The following PIK3IP1 variants were observed in gnomAD, a reference collection of about 807,000 sequenced individuals.
The protein encoded by PIK3IP1 is phosphoinositide-3-kinase interacting protein 1, also known as phosphoinositide-3-kinase-interacting protein 1.
Under a neutral mutation model 30.7 loss-of-function variants are expected in PIK3IP1, and 28 were observed. The ratio of observed to expected loss-of-function variants is 0.91; its 90% CI spans 0.68 to 1.25. The LOEUF (loss-of-function observed/expected upper bound fraction) is 1.25, where lower values mean the gene tolerates loss of function less well. Among genes scored for constraint, PIK3IP1 ranks in the 50% most tolerant of loss-of-function variants. PIK3IP1 has a pLI of 0.00. For missense variants in PIK3IP1, 333 were observed against 346.2 expected, an observed-to-expected ratio of 0.96 and a Z score of 0.30; for synonymous variants, 159 against 140.8, an observed-to-expected ratio of 1.13 and a Z score of -0.91.
At chr22:31,284,408 C>T (rs2123885218) in intron 5 of PIK3IP1, among the ~76,000 whole-genome samples, 1 of 152,324 alleles carries the variant, frequency 6.6e-6, no homozygotes, top group Middle Eastern at 3.4e-3. Flanking sequence ...GTAAAGAAAG[C>T]AGATGCTGGC....
At position 31,281,758 on chromosome 22, in the gene PIK3IP1, A is replaced by G. The variant is rs4615; in HGVS notation, c.*1326T>C. 13,737 of 152,658 alleles carry G rather than the reference A, an allele frequency of 0.09. 906 individuals carry two copies. The highest frequency in any genetic ancestry group is 0.4 in the East Asian group (2,088 of 5,160). 9.5% of individuals were successfully genotyped at this position (152,658 alleles called of 1,614,324 possible). ...CCAGCATCACTAACACCAAGAGACC[A>G]CCTGAGGTCTAGGTCCCCAAAGCAG... On this transcript the variant is annotated 3_prime_UTR_variant, in exon 6 of 6. Transcript: ENST00000215912.
rs1197957559 is a variant in PIK3IP1, at chr22:31,291,213, C to A, written c.154G>T (p.Ala52Ser). Reference protein sequence around the residue: ...PGLRCLNWLDAQSGLASAPVS... With the variant: ...PGLRCLNWLDSQSGLASAPVS... ...GGGGCCGAGGCCAGCCCGCTCTGCG[C>A]GTCCAGCCAGTTGAGGCAGCGGAGG... Residue 52 changes from alanine to serine, a missense_variant, in exon 2 of 6, where the codon GCG becomes TCG. Transcript: ENST00000215912. 1 of 1,549,628 alleles carries A rather than the reference C, an allele frequency of 6.5e-7. No homozygotes were observed. The highest frequency in any genetic ancestry group is 1.2e-5 in the South Asian group (1 of 84,048).
intron 1 of PIK3IP1, 151 bp downstream of exon 1, chr22:31,292,124 C>T: frequency 1.4e-6 from 1 of 694,540 alleles, no homozygotes; most frequent in Non-Finnish European, 2.5e-6. Context: ...AAGCCCCTGA[C>T]AAGGAAAGGA....
intron 3 of PIK3IP1, chr22:31,290,368 G>A (rs971633473): frequency 3.3e-5 from 5 of 152,400 alleles, no homozygotes; most frequent in African/African-American, 1.2e-4. Flanking sequence ...CAGCCTGGGT[G>A]ACAGAACGAG....
chr22:31,282,258 G>C lies in PIK3IP1; in HGVS notation c.*826C>G, dbSNP rs988298834. The stretch of plus-strand genomic sequence containing the variant: ...TAGAAGCAGCTCACAAGGCCCCACA[G>C]TATAATTCCCATAGGTTAGCTAACT... On this transcript the variant is annotated 3_prime_UTR_variant, in exon 6 of 6. Coordinates refer to ENST00000215912, the MANE Select transcript of PIK3IP1 (RefSeq NM_052880.5). The C allele has an allele frequency of 1.3e-5, 2 of 152,344 alleles. No individual in the cohort carries two copies. Among genetic ancestry groups the C allele is most frequent in the African/African-American group, 4.8e-5 (2 of 41,442 alleles). 9.4% of individuals were successfully genotyped at this position (152,344 alleles called of 1,614,324 possible).
chr22:31,292,158 C>T (rs1448691218), intron 1 of PIK3IP1, 117 bp downstream of exon 1: 1 of 993,016 alleles, frequency 1.0e-6, no homozygotes, highest in Non-Finnish European at 1.5e-6. Context: ...TTTCACGGGA[C>T]AACAGAAACC....
chr22:31,288,360 T>C (rs1315650033), intron 5 of PIK3IP1, among the ~76,000 whole-genome samples: 6 of 111,788 alleles, frequency 5.4e-5, no homozygotes, highest in South Asian at 3.0e-4. Context: ...GCCTAGGCAA[T>C]AGAGCGAGAC....
At chr22:31,283,549 A>C (rs1319501071) in intron 5 of PIK3IP1, among the ~76,000 whole-genome samples, 1 of 152,040 alleles carries the variant, frequency 6.6e-6, no homozygotes, top group Non-Finnish European at 1.5e-5. Flanking sequence ...TGGACTTCAT[A>C]CAGCTTCACC....
At chr22:31,283,351 T>G in intron 5 of PIK3IP1, 63 bp from the exon 6 acceptor site, 1 of 1,552,804 alleles carries the variant, frequency 6.4e-7, no homozygotes, top group Non-Finnish European at 8.8e-7. Flanking sequence ...GCTCATTAGA[T>G]AGCATCCCTG....
chr22:31,282,977 G>A lies in PIK3IP1; in HGVS notation c.*107C>T, dbSNP rs995653637. The A allele has an allele frequency of 2.3e-5, 19 of 838,540 alleles. No individual in the cohort carries two copies. Among genetic ancestry groups the A allele is most frequent in the Admixed American group, 1.1e-4 (4 of 37,374 alleles). The allele number at this position is 838,540 out of a possible 1,614,324, so 51.9% of individuals were successfully genotyped here. A position where few individuals can be genotyped will look rare whatever the true frequency, so the allele number is the denominator to read the frequency against. On this transcript the variant is annotated 3_prime_UTR_variant, in exon 6 of 6. Coordinates refer to ENST00000215912, the MANE Select transcript of PIK3IP1 (RefSeq NM_052880.5). ...ACTAGGATTCGCCAAAAAAGCGGGG[G>A]AGTGGTAGGGTTTTAACCAGAACAC...
chr22:31,292,472 A>C lies in PIK3IP1; in HGVS notation c.-128T>G. 1 of 736,702 alleles carries C rather than the reference A, an allele frequency of 1.4e-6. No individual in the cohort carries two copies. Among genetic ancestry groups the C allele is most frequent in the South Asian group, 1.6e-5 (1 of 61,624 alleles). The allele number at this position is 736,702 out of a possible 1,614,324, so 45.6% of individuals were successfully genotyped here. A position where few individuals can be genotyped will look rare whatever the true frequency, so the allele number is the denominator to read the frequency against. On this transcript the variant is annotated 5_prime_UTR_variant, in exon 1 of 6. Transcript: ENST00000215912. ...CCCTTGTTATGCTGTTCTGGTAAAC[A>C]GCCTCTCTTTAGAACTGGGAGCTTC...
intron 5 of PIK3IP1, among the ~76,000 whole-genome samples, chr22:31,285,479 A>G (rs2049124157): frequency 6.6e-6 from 1 of 152,208 alleles, no homozygotes; most frequent in African/African-American, 2.4e-5. Flanking sequence ...ATTTGAACCC[A>G]GTCTTAGCAC....
chr22:31,289,466 C>T lies in PIK3IP1; in HGVS notation c.508+33G>A, dbSNP rs762321031. On this transcript the variant is annotated intron_variant, in intron 4 of 5. Transcript: ENST00000215912. The stretch of plus-strand genomic sequence containing the variant: ...CAGCAAATGACATCTCTTGATGAAT[C>T]CCAACGAGGGCAGGGGTGGGGGACC... The T allele has an allele frequency of 8.4e-6, 13 of 1,549,518 alleles. No individual in the cohort carries two copies. The East Asian group carries it at 2.9e-4, about 35-fold the overall frequency.
At chr22:31,291,342 C>T in intron 1 of PIK3IP1, 46 bp from the exon 2 acceptor site, 2 of 1,527,648 alleles carry the variant, frequency 1.3e-6, no homozygotes, top group Non-Finnish European at 8.9e-7. Context: ...GGGCAGCGAA[C>T]GGAAGACGCC....
intron 1 of PIK3IP1, among the ~76,000 whole-genome samples, 191 bp downstream of exon 1, chr22:31,292,084 C>T (rs756467490): frequency 6.6e-6 from 1 of 152,188 alleles, no homozygotes; most frequent in African/African-American, 2.4e-5. Context: ...GGCTTCTTGC[C>T]TTTGTTCTTA....
intron 1 of PIK3IP1, 42 bp downstream of exon 1, chr22:31,292,233 G>GT: frequency 6.3e-7 from 1 of 1,593,838 alleles, no homozygotes; most frequent in Non-Finnish European, 8.6e-7. Flanking sequence ...TACCCCTTCT[G>GT]TTTCATGAAG....
chr22:31,283,955 AG>A (rs1020691310), intron 5 of PIK3IP1, among the ~76,000 whole-genome samples: 11 of 151,858 alleles, frequency 7.2e-5, no homozygotes, highest in East Asian at 5.8e-4. Flanking sequence ...CCCAGGCTGG[AG>A]TACAATGGCA....
intron 5 of PIK3IP1, among the ~76,000 whole-genome samples, chr22:31,287,332 T>A (rs1193241176): frequency 4.0e-5 from 5 of 124,012 alleles, no homozygotes; most frequent in East Asian, 5.7e-4. Flanking sequence ...TACCTACATT[T>A]TTTTTTTTTT....
intron 3 of PIK3IP1, chr22:31,290,696 C>T: frequency 4.5e-6 from 2 of 447,678 alleles, no homozygotes; most frequent in Non-Finnish European, 7.8e-6. Context: ...AAAGCCACTC[C>T]TCAGGACGCG....
Sources: allele counts gnomAD v4.1 joint callset (sites outside exome capture counted in the v4.1 genomes callset), GRCh38; gene constraint gnomAD v4.1.1; transcripts MANE v1.5; gene names NCBI Gene and HGNC (gene_info 2026-07-23, HGNC 2026-07-21).